The following AGTPBP1 variants were observed in gnomAD, a reference collection of about 807,000 sequenced individuals.
AGTPBP1 encodes the protein cytosolic carboxypeptidase 1.
Under a neutral mutation model 143.9 loss-of-function variants are expected in AGTPBP1, and 70 were observed. The observed-to-expected ratio is 0.49, with a 90% confidence interval of 0.40 to 0.59. The LOEUF (loss-of-function observed/expected upper bound fraction) is 0.59, where lower values mean the gene tolerates loss of function less well. Ranked by LOEUF, AGTPBP1 falls within the 20% of genes least tolerant of loss-of-function variation. AGTPBP1 has a pLI of 0.00. For synonymous variants in AGTPBP1, 463 were observed against 500.2 expected (o/e 0.93, Z 0.99); for missense variants, 1,229 against 1,464.5 (o/e 0.84, Z 2.62).
intron 25 of AGTPBP1, among the ~76,000 whole-genome samples, chr9:85,562,079 C>T (rs1366571821): frequency 6.6e-6 from 1 of 151,974 alleles, no homozygotes; most frequent in African/African-American, 2.4e-5. Flanking sequence ...ATCCACCCAC[C>T]TTGGCCTCCC....
At chr9:85,753,549 T>A in the AGTPBP1 span, 2 of 1,237,990 alleles carry the variant, frequency 1.6e-6, no homozygotes, top group South Asian at 3.0e-5. Context: ...CGGTCAGGAG[T>A]TCGACCAGCC....
chr9:85,715,230 A>G (rs1837629401), intron 1 of AGTPBP1, among the ~76,000 whole-genome samples: 1 of 151,642 alleles, frequency 6.6e-6, no homozygotes, highest in Non-Finnish European at 1.5e-5. Context: ...CGGGTGACAG[A>G]GCGAGACTCT....
intron 2 of AGTPBP1, among the ~76,000 whole-genome samples, chr9:85,697,438 G>GTT (rs1178612831): frequency 6.1e-4 from 51 of 83,874 alleles, no homozygotes; most frequent in African/African-American, 2.2e-3. Context: ...GTCTTAATTT[G>GTT]TTTTTTGTTT....
At chr9:85,751,118 A>G in the AGTPBP1 span, among the ~76,000 whole-genome samples, 1 of 152,136 alleles carries the variant, frequency 6.6e-6, no homozygotes, top group Admixed American at 6.5e-5. Flanking sequence ...GTCTCTCCCC[A>G]TTGATACCTT....
chr9:85,717,608 G>A (rs1338184771), intron 1 of AGTPBP1, among the ~76,000 whole-genome samples: 1 of 151,996 alleles, frequency 6.6e-6, no homozygotes, highest in Non-Finnish European at 1.5e-5. Context: ...GTGACAATAT[G>A]AGAAGTTAGG....
At chr9:85,595,375 T>C (rs2133263141) in intron 18 of AGTPBP1, among the ~76,000 whole-genome samples, 1 of 152,252 alleles carries the variant, frequency 6.6e-6, no homozygotes, top group South Asian at 2.1e-4. Context: ...CCAAGTGGAA[T>C]CAACAGTGAA....
At chr9:85,759,867 G>A in the AGTPBP1 span, among the ~76,000 whole-genome samples, 38 of 152,152 alleles carry the variant, frequency 2.5e-4, no homozygotes, top group South Asian at 2.3e-3. Context: ...CTGACAGACC[G>A]CTGGCAAGAC....
At chr9:85,773,608 G>A in the AGTPBP1 span, among the ~76,000 whole-genome samples, 1 of 151,830 alleles carries the variant, frequency 6.6e-6, no homozygotes, top group African/African-American at 2.4e-5. Flanking sequence ...AAACTGCTAG[G>A]ACTACAGACG....
chr9:85,567,256 G>C (rs111708886), intron 25 of AGTPBP1, among the ~76,000 whole-genome samples: 6 of 152,088 alleles, frequency 3.9e-5, no homozygotes, highest in African/African-American at 1.4e-4. Flanking sequence ...AAGTCTTTAG[G>C]GTCTTCAAAG....
At chr9:85,699,522 C>T (rs1836506832) in intron 2 of AGTPBP1, among the ~76,000 whole-genome samples, 2 of 151,970 alleles carry the variant, frequency 1.3e-5, no homozygotes, top group Admixed American at 1.3e-4. Context: ...AATTACACTA[C>T]CTTTTTCACC....
chr9:85,760,716 G>A, the AGTPBP1 span, among the ~76,000 whole-genome samples: 1 of 152,276 alleles, frequency 6.6e-6, no homozygotes, highest in East Asian at 1.9e-4. Context: ...GCACAAGACA[G>A]GGATGCCCTC....
intron 25 of AGTPBP1, among the ~76,000 whole-genome samples, chr9:85,567,408 TG>T (rs1827178350): frequency 6.6e-6 from 1 of 152,070 alleles, no homozygotes; most frequent in South Asian, 2.1e-4. Context: ...CTGGCCTACA[TG>T]GTGAAGCCCC....
Position 85,660,985 on chromosome 9 carries a change from A to G in AGTPBP1, c.663-12T>C. Reference sequence around the variant, plus strand: ...TGTCTAAAGCAACCCTGTCAACACAACAAGAAAACACAAACAACAACAAAA... The same window carrying G: ...TGTCTAAAGCAACCCTGTCAACACAGCAAGAAAACACAAACAACAACAAAA... On this transcript the variant is annotated splice_polypyrimidine_tract_variant and intron_variant, in intron 8 of 25. Transcript: ENST00000357081. 1.3e-6 allele frequency: 2 copies of G among 1,587,300 alleles called. No individual in the cohort carries two copies.
At chr9:85,678,467 G>A (rs1288686600) in intron 4 of AGTPBP1, 69 bp from the exon 5 acceptor site, 1 of 980,648 alleles carries the variant, frequency 1.0e-6, no homozygotes, top group Non-Finnish European at 1.5e-6. Context: ...AATCCACTGG[G>A]AACTACCTAT....
At chr9:85,797,698 C>A in the AGTPBP1 span, among the ~76,000 whole-genome samples, 24 of 151,926 alleles carry the variant, frequency 1.6e-4, no homozygotes, top group East Asian at 3.1e-3. Flanking sequence ...ACATAAAATA[C>A]ACTAACAATA....
At chr9:85,603,343 C>G (rs1236716059) in intron 17 of AGTPBP1, among the ~76,000 whole-genome samples, 2 of 152,158 alleles carry the variant, frequency 1.3e-5, no homozygotes, top group East Asian at 1.9e-4. Context: ...AACAGGGTAC[C>G]AGGCAGAGTC....
chr9:85,571,608 T>C (rs964665726), intron 25 of AGTPBP1, among the ~76,000 whole-genome samples: 2 of 152,168 alleles, frequency 1.3e-5, no homozygotes, highest in South Asian at 4.1e-4. Flanking sequence ...AAAAAACTAC[T>C]TCATAATGGA....
At chr9:85,687,392 T>C (rs1287296667) in intron 3 of AGTPBP1, among the ~76,000 whole-genome samples, 1 of 152,148 alleles carries the variant, frequency 6.6e-6, no homozygotes, top group Admixed American at 6.5e-5. Flanking sequence ...TATAGAACAC[T>C]TCACCCAACA....
intron 21 of AGTPBP1, among the ~76,000 whole-genome samples, 196 bp from the exon 22 acceptor site, chr9:85,587,156 T>C (rs758598506): frequency 6.6e-5 from 10 of 152,234 alleles, no homozygotes; most frequent in Admixed American, 1.3e-4. Context: ...GTATTTGCTA[T>C]GTGCAAGATT....
Sources: allele counts gnomAD v4.1 joint callset (sites outside exome capture counted in the v4.1 genomes callset), GRCh38; gene constraint gnomAD v4.1.1; transcripts MANE v1.5; gene names NCBI Gene and HGNC (gene_info 2026-07-23, HGNC 2026-07-21).